The following MYO1F variants were observed in gnomAD, a reference collection of about 807,000 sequenced individuals.
MYO1F encodes unconventional myosin-If.
MYO1F carries 60 observed loss-of-function variants against 146.6 expected under a neutral mutation model. That is an observed-to-expected ratio of 0.41 (90% CI 0.33 to 0.51). The LOEUF (loss-of-function observed/expected upper bound fraction) is 0.51. MYO1F is among the 20% of genes least tolerant of loss of function. The pLI is 0.25. For missense variants in MYO1F, 1,274 were observed against 1,534.3 expected (o/e 0.83, Z 2.83); for synonymous variants, 602 against 602.1 (o/e 1.00, Z 0.00).
chr19:8,541,419 G>GTTTTTTTTTTTTTT (rs1200496185), intron 15 of MYO1F, among the ~76,000 whole-genome samples: 5 of 133,978 alleles, frequency 3.7e-5, no homozygotes, highest in African/African-American at 1.4e-4. Context: ...GTGTGTGTGT[G>GTTTTTTTTTTTTTT]TGTGTGTTTT....
chr19:8,536,009 GTC>G (rs2145851907), intron 19 of MYO1F, among the ~76,000 whole-genome samples: 1 of 152,028 alleles, frequency 6.6e-6, no homozygotes, highest in East Asian at 1.9e-4. Flanking sequence ...CTCTCGCTCA[GTC>G]TCTCTCAGTC....
intron 1 of MYO1F, among the ~76,000 whole-genome samples, chr19:8,566,979 G>T (rs1299354243): frequency 1.3e-5 from 2 of 151,848 alleles, no homozygotes; most frequent in African/African-American, 4.8e-5. Context: ...GCCAAGCCTG[G>T]TCTAAGCTTT....
intron 1 of MYO1F, among the ~76,000 whole-genome samples, chr19:8,561,311 A>AC (rs1974090837): frequency 1.3e-5 from 2 of 150,504 alleles, no homozygotes; most frequent in Non-Finnish European, 1.5e-5. Flanking sequence ...CAGGGCTTCA[A>AC]CCCCTCACAC....
intron 19 of MYO1F, among the ~76,000 whole-genome samples, chr19:8,531,234 C>A (rs887216112): frequency 1.3e-5 from 2 of 151,878 alleles, no homozygotes; most frequent in Admixed American, 6.6e-5. Context: ...GTAATACCAG[C>A]TACTCAGGAG....
At chr19:8,549,868 A>T in intron 10 of MYO1F, 1 of 516,382 alleles carries the variant, frequency 1.9e-6, no homozygotes, top group Non-Finnish European at 3.5e-6. Context: ...TAGCGCAATC[A>T]TAGCTCACTG....
intron 12 of MYO1F, among the ~76,000 whole-genome samples, chr19:8,547,213 A>C (rs1973397654): frequency 7.1e-6 from 1 of 141,730 alleles, no homozygotes; most frequent in East Asian, 2.3e-4. Context: ...AAGTGGGAGG[A>C]TTGCTTGAGC....
rs988815448 is a variant in MYO1F at position 8,530,644 on chromosome 19, C to T, written c.2044-71G>A. The T allele has an allele frequency of 5.8e-6, 7 of 1,213,922 alleles. No homozygotes were observed. In the Middle Eastern group the frequency reaches 5.8e-4, roughly 101 times the overall value. The allele number at this position is 1,213,922 out of a possible 1,614,324, so 75.2% of individuals were successfully genotyped here. The stretch of plus-strand genomic sequence containing the variant: ...CAGGGGCTGCAGTTCCGGGTTTTCC[C>T]TGCGCTCACCCTACTCACACGCTTT... On this transcript the variant is annotated intron_variant, in intron 19 of 27. Transcript: ENST00000644032. The surrounding 1 kb of genome is among the most constrained non-coding windows in gnomAD (Gnocchi z 5.8).
chr19:8,550,020 G>A (rs1973535661), intron 10 of MYO1F, 140 bp downstream of exon 10: 1 of 974,206 alleles, frequency 1.0e-6, no homozygotes, highest in Non-Finnish European at 1.6e-6. Context: ...GGCTGGTCTT[G>A]AACTTCTGGC....
At chr19:8,525,035 T>G (rs960188902) in intron 25 of MYO1F, among the ~76,000 whole-genome samples, 5 of 151,780 alleles carry the variant, frequency 3.3e-5, no homozygotes, top group Non-Finnish European at 7.4e-5. Context: ...CTGTCTCTAC[T>G]AAAACGATAC....
chr19:8,547,872 G>C (rs552543055), intron 12 of MYO1F, 164 bp downstream of exon 12: 74 of 660,958 alleles, frequency 1.1e-4, no homozygotes, highest in Admixed American at 3.4e-4. Context: ...CAAAGCTTTA[G>C]AGGCAGAAGG....
intron 1 of MYO1F, among the ~76,000 whole-genome samples, chr19:8,561,974 C>T (rs138074525): frequency 6.6e-6 from 1 of 151,970 alleles, no homozygotes; most frequent in African/African-American, 2.4e-5. Context: ...GTCGGCCTCC[C>T]AAAGTGCTGG....
At chr19:8,550,014 G>A (rs1973535426) in intron 10 of MYO1F, 146 bp downstream of exon 10, 1 of 879,838 alleles carries the variant, frequency 1.1e-6, no homozygotes, top group East Asian at 2.6e-5. Flanking sequence ...TGCCCAGGCT[G>A]GTCTTGAACT....
At chr19:8,526,986 G>A (rs763989154) in intron 22 of MYO1F, 51 bp from the exon 23 acceptor site, 1 of 1,605,880 alleles carries the variant, frequency 6.2e-7, no homozygotes, top group Non-Finnish European at 8.5e-7. Flanking sequence ...GAGGGCGACA[G>A]GTGAGAGAGA....
chr19:8,574,591 C>T (rs868987920), intron 1 of MYO1F, among the ~76,000 whole-genome samples: 19 of 84,094 alleles, frequency 2.3e-4, no homozygotes, highest in African/African-American at 6.6e-4. Flanking sequence ...CTCTCTCTCT[C>T]TCTCTCTTTC....
chr19:8,539,893 G>T (rs549290759), intron 16 of MYO1F, 54 bp downstream of exon 16: 2 of 1,491,080 alleles, frequency 1.3e-6, no homozygotes, highest in African/African-American at 1.4e-5. Flanking sequence ...CCCCAGGTAG[G>T]GTGGAACTCA....
chr19:8,550,764 G>C, intron 8 of MYO1F, 70 bp from the exon 9 acceptor site: 1 of 1,607,122 alleles, frequency 6.2e-7, no homozygotes, highest in South Asian at 1.1e-5. Flanking sequence ...GGGCAGGCTT[G>C]AGGGACCACA....
At chr19:8,560,989 G>A (rs534356429) in intron 1 of MYO1F, among the ~76,000 whole-genome samples, 3 of 151,190 alleles carry the variant, frequency 2.0e-5, no homozygotes, top group South Asian at 2.1e-4. Context: ...TGCCCGCCTC[G>A]GCCTCCCAAA....
chr19:8,530,127 G>A lies in MYO1F; in HGVS notation c.2328+69C>T, dbSNP rs1223473409. 3.1e-6 allele frequency: 5 copies of A among 1,594,228 alleles called. No individual in the cohort carries two copies. The highest frequency in any genetic ancestry group is 1.1e-5 in the South Asian group (1 of 90,716). ...GGGGGATATCTGGCTGTGGGCAGGTGCATCTGGGCCAGGTGAGGGTGCCAG... is the reference window on the plus strand; with the variant it reads ...GGGGGATATCTGGCTGTGGGCAGGTACATCTGGGCCAGGTGAGGGTGCCAG... On this transcript the variant is annotated intron_variant, in intron 21 of 27. Coordinates refer to ENST00000644032, the MANE Select transcript of MYO1F (RefSeq NM_012335.4). This position sits in a 1 kb window ranked among gnomAD's most constrained non-coding sequence, Gnocchi z 5.8.
chr19:8,528,813 A>G (rs985924915), intron 21 of MYO1F, among the ~76,000 whole-genome samples: 5 of 152,054 alleles, frequency 3.3e-5, no homozygotes, highest in African/African-American at 4.8e-5. Flanking sequence ...AAATAGGAGT[A>G]TCTGGATCAT....
Sources: gnomAD v4.1 joint callset for allele counts (sites outside exome capture counted in the v4.1 genomes callset) on GRCh38, gnomAD v4.1.1 for gene constraint, Gnocchi (gnomAD v3.1) non-coding constraint, MANE v1.5 for transcripts, NCBI Gene and HGNC (gene_info 2026-07-23, HGNC 2026-07-21) for gene names.